Variants in RFC1 observed in about 807,000 individuals in gnomAD.
The protein encoded by RFC1 is A1 140 kDa subunit.
RFC1 carries 37 observed loss-of-function variants against 137.4 expected under a neutral mutation model. That is an observed-to-expected ratio of 0.27 (90% CI 0.21 to 0.35). The LOEUF (loss-of-function observed/expected upper bound fraction) is 0.35. Among genes scored for constraint, RFC1 ranks in the 10% least tolerant of loss-of-function variants. RFC1 has a pLI of 1.00. For missense variants in RFC1, 1,205 were observed against 1,358.5 expected (o/e 0.89, Z 1.78); for synonymous variants, 429 against 455.7 (o/e 0.94, Z 0.75).
chr4:39,321,487 A>G lies in RFC1; in HGVS notation c.721-113T>C, dbSNP rs1739520451. On this transcript the variant is annotated intron_variant, in intron 7 of 24. Coordinates refer to ENST00000349703, the MANE Select transcript of RFC1 (RefSeq NM_002913.5). ...AGGGTCACCTTTCAACTAGCAGGAC[A>G]CTACAATAAACTGTCATTCATTCAT... The G allele has an allele frequency of 4.2e-5, 33 of 787,770 alleles. No homozygotes were observed. The East Asian group carries it at 8.2e-4, about 20-fold the overall frequency. 48.8% of individuals were successfully genotyped at this position (787,770 alleles called of 1,614,324 possible).
At chr4:39,363,772 T>C (rs1741875641) in intron 1 of RFC1, among the ~76,000 whole-genome samples, 2 of 151,836 alleles carry the variant, frequency 1.3e-5, no homozygotes, top group Admixed American at 1.3e-4. Flanking sequence ...CACACCTGTA[T>C]TCCCAGCTAC....
At chr4:39,296,613 T>A (rs1238319872) in intron 21 of RFC1, among the ~76,000 whole-genome samples, 1 of 151,698 alleles carries the variant, frequency 6.6e-6, no homozygotes, top group African/African-American at 2.4e-5. Flanking sequence ...TAGTATTCCA[T>A]GGTATATATG....
chr4:39,308,934 G>C lies in RFC1; in HGVS notation c.1587C>G (p.Ser529Arg). 1 of 1,614,036 alleles carries C rather than the reference G, an allele frequency of 6.2e-7. No homozygotes were observed. The highest frequency in any genetic ancestry group is 8.5e-7 in the Non-Finnish European group (1 of 1,180,010). ...AACTGTCCCTTTTGGAAGTCGGCCT[G>C]CTCTTTTTAGATTCTGATTCCTTTT... is the stretch of plus-strand genomic sequence containing the variant. ...PSKKESESKK[S>R]RPTSKRDSLA... The change falls in exon 13 of 25, where the codon AGC becomes AGG. Residue 529 changes from serine (S) to arginine (R), a missense_variant. Physicochemically the swap from Ser to Arg is moderately radical, Grantham distance 110. Coordinates refer to ENST00000349703, the MANE Select transcript of RFC1 (RefSeq NM_002913.5).
intron 2 of RFC1, among the ~76,000 whole-genome samples, chr4:39,348,349 G>A (rs544449093): frequency 5.4e-5 from 8 of 148,146 alleles, no homozygotes; most frequent in Non-Finnish European, 1.2e-4. Flanking sequence ...CTTGAACCTG[G>A]GAGGCAGAGG....
At chr4:39,296,917 G>A (rs920328967) in intron 21 of RFC1, among the ~76,000 whole-genome samples, 4 of 151,588 alleles carry the variant, frequency 2.6e-5, no homozygotes, top group Admixed American at 6.6e-5. Context: ...AGCACCTGTC[G>A]TTTCCTGACT....
Position 39,316,933 on chromosome 4 carries a change from G to A in RFC1, c.1185C>T (p.Gly395=). The part of the protein sequence containing the change: ...YLNREGPKAL[G]SKEIPKGAEN... ...CTCTTACCTTTGGTATTTCTTTGGA[G>A]CCCAGAGCCTTGGGACCTTCTCGAT... Residue 395 remains glycine (G), a synonymous_variant, in exon 10 of 25, where the codon GGC becomes GGT. Transcript: ENST00000349703. 6.2e-7 allele frequency: 1 copy of A among 1,613,052 alleles called. No individual in the cohort carries two copies. The highest frequency in any genetic ancestry group is 8.5e-7 in the Non-Finnish European group (1 of 1,179,086).
intron 21 of RFC1, among the ~76,000 whole-genome samples, chr4:39,299,610 CAAAAAAA>C (rs970461214): frequency 1.6e-3 from 65 of 40,494 alleles, no homozygotes; most frequent in African/African-American, 5.0e-3. Context: ...AACACTGTCT[CAAAAAAA>C]AAAAAAAAAA....
intron 23 of RFC1, among the ~76,000 whole-genome samples, chr4:39,290,367 T>C (rs1398528818): frequency 9.1e-6 from 1 of 109,926 alleles, no homozygotes; most frequent in Non-Finnish European, 1.8e-5. Flanking sequence ...AGTGAGATTC[T>C]GTCTAAAAAA....
rs778329925 is a variant in RFC1 at position 39,295,664 on chromosome 4, T to C, written c.2904A>G (p.Thr968=). 33 of 1,613,764 alleles carry C rather than the reference T, an allele frequency of 2.0e-5. 1 individual carries two copies. Among genetic ancestry groups the C allele is most frequent in the Middle Eastern group, 1.7e-4 (1 of 6,060 alleles). Residue 968 remains threonine, a synonymous_variant, in exon 22 of 25, where the codon ACA becomes ACG. Coordinates refer to ENST00000349703, the MANE Select transcript of RFC1 (RefSeq NM_002913.5). ...FPSWLGKHSS[T]GKHDRIVQDL... Reference sequence around the variant, plus strand: ...CCTGAACAATACGATCATGTTTGCCTGTAGACGAGTGCTTCCCCAGCCAGC... The same window carrying C: ...CCTGAACAATACGATCATGTTTGCCCGTAGACGAGTGCTTCCCCAGCCAGC...
intron 1 of RFC1, among the ~76,000 whole-genome samples, chr4:39,362,201 C>T (rs1255921201): frequency 2.6e-5 from 4 of 152,190 alleles, no homozygotes; most frequent in Non-Finnish European, 4.4e-5. Flanking sequence ...ATTCATGGAT[C>T]GGAAGATGTA....
Position 39,341,436 on chromosome 4 carries a change from G to A in RFC1, c.331+909C>T, listed in dbSNP as rs1321628190. 8 of 360,236 alleles carry A rather than the reference G, an allele frequency of 2.2e-5. No individual in the cohort carries two copies. The East Asian group carries it at 5.1e-4, about 23-fold the overall frequency. 22.3% of individuals were successfully genotyped at this position (360,236 alleles called of 1,614,324 possible). A position where few individuals can be genotyped will look rare whatever the true frequency, so the allele number is the denominator to read the frequency against. ...CAATCAGCCACCTGCCCATAACAAA[G>A]AAACGTCTGTTTGGTAAAAATTTTC... On this transcript the variant is annotated intron_variant, in intron 4 of 24. Transcript: ENST00000349703.
At position 39,288,054 on chromosome 4, in the gene RFC1, T is replaced by G. The variant is rs546460828; in HGVS notation, c.*707A>C. The G allele has an allele frequency of 2.1e-4, 32 of 152,374 alleles. No homozygotes were observed. Among genetic ancestry groups the G allele is most frequent in the African/African-American group, 5.5e-4 (23 of 41,584 alleles). The allele number at this position is 152,374 out of a possible 1,614,324, so 9.4% of individuals were successfully genotyped here. ...GAGGGAGTGAGGCTGGGAATCCGAG[T>G]TCTGACTCCTCGACTGCCAATGTTA... On this transcript the variant is annotated 3_prime_UTR_variant, in exon 25 of 25. Coordinates refer to ENST00000349703, the MANE Select transcript of RFC1 (RefSeq NM_002913.5).
Position 39,345,767 on chromosome 4 carries a change from T to G in RFC1, c.133-291A>C, listed in dbSNP as rs556935827. Among the ~76,000 whole-genome samples the G allele has an allele frequency of 3.3e-5, 5 of 152,170 alleles. No homozygotes were observed. In the South Asian group the frequency reaches 1.0e-3, roughly 32 times the overall value. ...CTCAGTCGTTTTAACCAGGGGGAAT[T>G]TTGCATCCCCGCCCCCCAGAAGGCA... On this transcript the variant is annotated intron_variant, in intron 2 of 24. Coordinates refer to ENST00000349703, the MANE Select transcript of RFC1 (RefSeq NM_002913.5).
chr4:39,320,458 T>C lies in RFC1; in HGVS notation c.1020A>G (p.Arg340=), dbSNP rs1330717898. ...YKEIEPVASK[R]KENAIKLKGE... is the part of the protein sequence containing the mutation. ...CTTTCAATTTAATGGCATTTTCTTT[T>C]CTTTTTGAGGCCACAGGCTCTATTT... Residue 340 remains arginine, a synonymous_variant, in exon 9 of 25, where the codon AGA becomes AGG. Coordinates refer to ENST00000349703, the MANE Select transcript of RFC1 (RefSeq NM_002913.5). 1.9e-6 allele frequency: 3 copies of C among 1,590,014 alleles called. No homozygotes were observed. The South Asian group carries it at 3.5e-5, about 19-fold the overall frequency.
At chr4:39,356,323 C>T (rs943060451) in intron 1 of RFC1, among the ~76,000 whole-genome samples, 2 of 152,116 alleles carry the variant, frequency 1.3e-5, no homozygotes, top group African/African-American at 2.4e-5. Flanking sequence ...GGCTTGAGCC[C>T]GGGAAGTGGA....
intron 24 of RFC1, 166 bp downstream of exon 24, chr4:39,289,682 T>G: frequency 1.8e-6 from 1 of 570,066 alleles, no homozygotes; most frequent in African/African-American, 1.9e-5. Flanking sequence ...TAAGAAACTT[T>G]ATAAAAATGA....
intron 1 of RFC1, among the ~76,000 whole-genome samples, chr4:39,353,972 TG>T (rs1741338421): frequency 6.6e-6 from 1 of 152,208 alleles, no homozygotes; most frequent in African/African-American, 2.4e-5. Context: ...CTGTTAACAC[TG>T]ATCTGTCTGG....
Position 39,351,375 on chromosome 4 carries a change from T to C in RFC1, c.105A>G (p.Lys35=). 1 of 1,567,848 alleles carries C rather than the reference T, an allele frequency of 6.4e-7. No individual in the cohort carries two copies. Among genetic ancestry groups the C allele is most frequent in the East Asian group, 2.4e-5 (1 of 42,202 alleles). Residue 35 remains lysine (K), a synonymous_variant, in exon 2 of 25, where the codon AAA becomes AAG. Transcript: ENST00000349703. ...EKTKSDEETL[K]AKKGIKEIKV... ...TGATTTCCTTTATTCCTTTCTTTGCTTTTAAAGTTTCTTCATCAGACTTTG... is the reference window on the plus strand; with the variant it reads ...TGATTTCCTTTATTCCTTTCTTTGCCTTTAAAGTTTCTTCATCAGACTTTG...
At chr4:39,350,152 T>C (rs1741112068) in intron 2 of RFC1, among the ~76,000 whole-genome samples, 1 of 149,950 alleles carries the variant, frequency 6.7e-6, no homozygotes, top group Admixed American at 6.7e-5. Flanking sequence ...TAACAGTAAA[T>C]TGGTGATAAA....
Sources: gnomAD v4.1 joint callset for allele counts (sites outside exome capture counted in the v4.1 genomes callset) on GRCh38, gnomAD v4.1.1 for gene constraint, MANE v1.5 for transcripts, NCBI Gene and HGNC (gene_info 2026-07-23, HGNC 2026-07-21) for gene names.